Variants in SEPTIN9 observed in about 807,000 individuals in gnomAD.
The protein encoded by SEPTIN9 is septin-9.
In SEPTIN9, 13 loss-of-function variants were observed where a neutral mutation model predicts 56.6. The observed-to-expected ratio is 0.23, with a 90% confidence interval of 0.15 to 0.37. The LOEUF (loss-of-function observed/expected upper bound fraction) is 0.37. Among genes scored for constraint, SEPTIN9 ranks in the 10% least tolerant of loss-of-function variants. The pLI is 1.00. For synonymous variants in SEPTIN9, 332 were observed against 334.1 expected (o/e 0.99, Z 0.07); for missense variants, 650 against 823.1 (o/e 0.79, Z 2.57).
intron 2 of SEPTIN9, among the ~76,000 whole-genome samples, chr17:77,336,312 T>C (rs1713853602): frequency 6.6e-6 from 1 of 152,156 alleles, no homozygotes; most frequent in African/African-American, 2.4e-5. Context: ...AATCTGTAGA[T>C]CAATTAAGGA....
At chr17:77,390,652 T>C (rs888373888) in intron 2 of SEPTIN9, among the ~76,000 whole-genome samples, 10 of 151,696 alleles carry the variant, frequency 6.6e-5, no homozygotes, top group Non-Finnish European at 1.5e-4. Flanking sequence ...GGGGTTTCAC[T>C]GTGTTAGCCA....
At chr17:77,452,479 T>C (rs1376804003) in intron 3 of SEPTIN9, among the ~76,000 whole-genome samples, 1 of 152,230 alleles carries the variant, frequency 6.6e-6, no homozygotes, top group Non-Finnish European at 1.5e-5. Context: ...ATCTGCTGTG[T>C]TTTGGTCAGA....
chr17:77,316,391 A>C (rs1208621168), intron 2 of SEPTIN9, among the ~76,000 whole-genome samples: 1 of 152,178 alleles, frequency 6.6e-6, no homozygotes, highest in Non-Finnish European at 1.5e-5. Context: ...GCCTGGGCCA[A>C]AATGTTTGGA....
intron 2 of SEPTIN9, among the ~76,000 whole-genome samples, chr17:77,315,781 T>G (rs1300641843): frequency 6.6e-6 from 1 of 152,120 alleles, no homozygotes; most frequent in Non-Finnish European, 1.5e-5. Flanking sequence ...ACTTTGCAAT[T>G]AAGAGGAGCT....
At chr17:77,394,932 C>G (rs559106732) in intron 2 of SEPTIN9, among the ~76,000 whole-genome samples, 1 of 152,152 alleles carries the variant, frequency 6.6e-6, no homozygotes, top group Admixed American at 6.5e-5. Flanking sequence ...CAGCTGAGAC[C>G]GTAGGTGCTT....
At position 77,313,121 on chromosome 17, in the gene SEPTIN9, C is replaced by T. The variant is rs1302029702; in HGVS notation, c.76+5924C>T. Among the ~76,000 whole-genome samples, 1 of 152,212 alleles carries T rather than the reference C, an allele frequency of 6.6e-6. No homozygotes were observed. Among genetic ancestry groups the T allele is most frequent in the Non-Finnish European group, 1.5e-5 (1 of 68,036 alleles). On this transcript the variant is annotated intron_variant, in intron 2 of 11. Coordinates refer to ENST00000427177, the MANE Select transcript of SEPTIN9 (RefSeq NM_001113491.2). This position sits in a 1 kb window ranked among gnomAD's most constrained non-coding sequence, Gnocchi z 4.5. ...TCTCGGGGGAGTCTTCCGTTGGCTG[C>T]AGAGAAGCTTAAACTCAGGGGACCT...
intron 7 of SEPTIN9, 44 bp downstream of exon 7, chr17:77,488,908 G>A: frequency 5.0e-6 from 8 of 1,607,946 alleles, no homozygotes; most frequent in Non-Finnish European, 6.8e-6. Context: ...GGTGCCCTGG[G>A]TTCCCTCTGT....
At chr17:77,344,129 G>A (rs188805023) in intron 2 of SEPTIN9, among the ~76,000 whole-genome samples, 59 of 152,090 alleles carry the variant, frequency 3.9e-4, no homozygotes, top group African/African-American at 9.2e-4. Context: ...TCGTATATCC[G>A]ATAAAGGACT....
intron 2 of SEPTIN9, among the ~76,000 whole-genome samples, chr17:77,387,887 A>G (rs312832): frequency 0.62 from 78,401 of 126,132 alleles, 20,403 homozygotes; most frequent in Middle Eastern, 0.68. Context: ...CTCCACCCCC[A>G]CCTCCCCCTT....
In SEPTIN9 at chr17:77,437,346, C is replaced by G. The variant is rs1191094225; in HGVS notation, c.721+34643C>G. Among the ~76,000 whole-genome samples the G allele has an allele frequency of 3.9e-5, 6 of 152,218 alleles. No individual in the cohort carries two copies. The highest frequency in any genetic ancestry group is 1.4e-4 in the African/African-American group (6 of 41,448). ...CACCGACCCCTCCCTTCTACACCCC[C>G]ACCCCACGCCCCCAGGAGCTCCCTA... is the stretch of plus-strand genomic sequence containing the variant. On this transcript the variant is annotated intron_variant, in intron 3 of 11. Transcript: ENST00000427177. The surrounding 1 kb of genome is among the most constrained non-coding windows in gnomAD (Gnocchi z 5.3).
chr17:77,352,577 TC>T (rs1287437306), intron 2 of SEPTIN9, among the ~76,000 whole-genome samples: 1 of 152,174 alleles, frequency 6.6e-6, no homozygotes, highest in African/African-American at 2.4e-5. Flanking sequence ...CCCCTGGTAT[TC>T]CTCGGCTTGC....
At chr17:77,493,594 A>C (rs1022346132) in intron 10 of SEPTIN9, among the ~76,000 whole-genome samples, 1 of 152,024 alleles carries the variant, frequency 6.6e-6, no homozygotes, top group African/African-American at 2.4e-5. Context: ...AGAGGTCCGA[A>C]ATCAGGGGCT....
In SEPTIN9 at chr17:77,367,420, C is replaced by T. The variant is rs1239588151; in HGVS notation, c.77-34639C>T. ...CTCTGCCATTCTGCAAAGGAAACTG[C>T]GCTTTGTCATTGCACAGGATCGAAC... is the stretch of plus-strand genomic sequence containing the variant. On this transcript the variant is annotated intron_variant, in intron 2 of 11. Coordinates refer to ENST00000427177, the MANE Select transcript of SEPTIN9 (RefSeq NM_001113491.2). This position sits in a 1 kb window ranked among gnomAD's most constrained non-coding sequence, Gnocchi z 4.5. Among the ~76,000 whole-genome samples, 2 of 152,332 alleles carry T rather than the reference C, an allele frequency of 1.3e-5. No homozygotes were observed. Among genetic ancestry groups the T allele is most frequent in the African/African-American group, 2.4e-5 (1 of 41,562 alleles).
In SEPTIN9 at chr17:77,435,119, C is replaced by G. The variant is rs1021980143; in HGVS notation, c.721+32416C>G. Among the ~76,000 whole-genome samples, 1 of 152,136 alleles carries G rather than the reference C, an allele frequency of 6.6e-6. No homozygotes were observed. The highest frequency in any genetic ancestry group is 1.9e-4 in the East Asian group (1 of 5,196). On this transcript the variant is annotated intron_variant, in intron 3 of 11. Coordinates refer to ENST00000427177, the MANE Select transcript of SEPTIN9 (RefSeq NM_001113491.2). The surrounding 1 kb of genome is among the most constrained non-coding windows in gnomAD (Gnocchi z 4.5). Reference sequence around the variant, plus strand: ...TGTGAAATTGATTCTGTTGTTATTCCCATTTCACCGATGAGGAACCCACAG... The same window carrying G: ...TGTGAAATTGATTCTGTTGTTATTCGCATTTCACCGATGAGGAACCCACAG...
chr17:77,424,390 G>C (rs2036821526), intron 3 of SEPTIN9, among the ~76,000 whole-genome samples: 1 of 152,248 alleles, frequency 6.6e-6, no homozygotes, highest in African/African-American at 2.4e-5. Context: ...TGGCTCAGTG[G>C]GGGGCCCAGT....
intron 2 of SEPTIN9, among the ~76,000 whole-genome samples, chr17:77,366,136 G>A (rs752626967): frequency 1.8e-4 from 27 of 152,198 alleles, no homozygotes; most frequent in Non-Finnish European, 3.1e-4. Context: ...GCTGCTTTGA[G>A]GCTGGGTCGG....
At chr17:77,288,326 G>T in intron 1 of SEPTIN9, 1 of 609,276 alleles carries the variant, frequency 1.6e-6, no homozygotes, top group Non-Finnish European at 2.1e-6. Context: ...GGAACCAGGG[G>T]TTGGGCCCCG....
Position 77,335,845 on chromosome 17 carries a change from A to G in SEPTIN9, c.76+28648A>G, listed in dbSNP as rs11868539. ...ATGTACATATATACATGTAGGCCCT[A>G]TGTTGACTGTATATATATATGTGGT... On this transcript the variant is annotated intron_variant, in intron 2 of 11. Transcript: ENST00000427177. 1.3e-4 allele frequency among the ~76,000 whole-genome samples: 9 copies of G among 70,288 alleles called. 1 individual carries two copies. The highest frequency in any genetic ancestry group is 4.1e-4 in the South Asian group (1 of 2,424). The allele number at this position is 70,288 out of a possible 152,430, so 46.1% of individuals were successfully genotyped here. A position where few individuals can be genotyped will look rare whatever the true frequency, so the allele number is the denominator to read the frequency against.
At chr17:77,444,079 A>G (rs970419677) in intron 3 of SEPTIN9, among the ~76,000 whole-genome samples, 3 of 152,070 alleles carry the variant, frequency 2.0e-5, no homozygotes, top group African/African-American at 7.2e-5. Flanking sequence ...AGGTGGTGAC[A>G]TTTACCAGGG....
Sources: allele counts gnomAD v4.1 joint callset (sites outside exome capture counted in the v4.1 genomes callset), GRCh38; gene constraint gnomAD v4.1.1; non-coding constraint Gnocchi (gnomAD v3.1); transcripts MANE v1.5; gene names NCBI Gene and HGNC (gene_info 2026-07-23, HGNC 2026-07-21).